The following CTNNA3 variants were observed in gnomAD, a reference collection of about 807,000 sequenced individuals.
The protein encoded by CTNNA3 is catenin alpha 3.
CTNNA3 carries 76 observed loss-of-function variants against 95.7 expected under a neutral mutation model. That is an observed-to-expected ratio of 0.79 (90% CI 0.66 to 0.96). The LOEUF (loss-of-function observed/expected upper bound fraction) is 0.96. CTNNA3 is among the 40% of genes least tolerant of loss of function. The probability of loss-of-function intolerance (pLI) is 0.00; values close to 1 mark genes in which losing one functional copy is unlikely to be tolerated. For missense variants in CTNNA3, 1,191 were observed against 1,089.8 expected, an observed-to-expected ratio of 1.09 and a Z score of -1.31; for synonymous variants, 431 against 374.4, an observed-to-expected ratio of 1.15 and a Z score of -1.74.
At chr10:66,756,529 G>T (rs1336988535) in intron 9 of CTNNA3, among the ~76,000 whole-genome samples, 2 of 152,052 alleles carry the variant, frequency 1.3e-5, no homozygotes, top group African/African-American at 4.8e-5. Context: ...GACTTTCTGG[G>T]TATACACAGC....
At chr10:66,878,783 G>C (rs1181073835) in intron 7 of CTNNA3, among the ~76,000 whole-genome samples, 1 of 152,140 alleles carries the variant, frequency 6.6e-6, no homozygotes, top group African/African-American at 2.4e-5. Flanking sequence ...AGTGGCCCTA[G>C]CATGTGAGTT....
At chr10:66,874,862 T>C (rs576446363) in intron 7 of CTNNA3, among the ~76,000 whole-genome samples, 1 of 152,338 alleles carries the variant, frequency 6.6e-6, no homozygotes, top group African/African-American at 2.4e-5. Context: ...TATGTAAAAC[T>C]CTGTGCTGGA....
chr10:66,770,414 C>G (rs1452519191), intron 8 of CTNNA3, among the ~76,000 whole-genome samples: 1 of 152,040 alleles, frequency 6.6e-6, no homozygotes, highest in Non-Finnish European at 1.5e-5. Flanking sequence ...GAAATGGAAG[C>G]CAAAGCACTA....
chr10:67,514,159 G>GCC (rs1422375388), intron 5 of CTNNA3, among the ~76,000 whole-genome samples: 3 of 152,114 alleles, frequency 2.0e-5, no homozygotes, highest in Non-Finnish European at 4.4e-5. Context: ...AATTAGCTGG[G>GCC]CATGGTGGTG....
At chr10:67,741,533 T>C (rs1266027165) in intron 1 of CTNNA3, among the ~76,000 whole-genome samples, 3 of 150,902 alleles carry the variant, frequency 2.0e-5, no homozygotes, top group Non-Finnish European at 3.0e-5. Context: ...GAACAACTGG[T>C]ACCAGCTACT....
intron 11 of CTNNA3, among the ~76,000 whole-genome samples, chr10:66,384,532 T>A (rs945380234): frequency 6.6e-6 from 1 of 152,102 alleles, no homozygotes; most frequent in Non-Finnish European, 1.5e-5. Flanking sequence ...CACAGATCAA[T>A]GAGACAGAAG....
intron 15 of CTNNA3, among the ~76,000 whole-genome samples, chr10:66,036,325 G>A (rs980163015): frequency 3.3e-5 from 5 of 152,018 alleles, no homozygotes; most frequent in African/African-American, 4.8e-5. Context: ...GTCTCTAGAC[G>A]GCGAAAACCA....
intron 11 of CTNNA3, among the ~76,000 whole-genome samples, chr10:66,520,178 G>A (rs1436138631): frequency 1.3e-5 from 2 of 149,592 alleles, no homozygotes; most frequent in Non-Finnish European, 3.0e-5. Flanking sequence ...GCAACATATT[G>A]CATCCAAAAA....
At chr10:67,706,796 T>A (rs536055083) in intron 1 of CTNNA3, among the ~76,000 whole-genome samples, 4 of 152,300 alleles carry the variant, frequency 2.6e-5, no homozygotes, top group Non-Finnish European at 5.9e-5. Context: ...CACATCCATA[T>A]GCTAATGGTT....
intron 10 of CTNNA3, among the ~76,000 whole-genome samples, chr10:66,580,110 C>G (rs200705285): frequency 7.5e-6 from 1 of 132,852 alleles, no homozygotes. Context: ...GTTCTTTTCT[C>G]TGTCTCCTCT....
At chr10:67,716,899 T>C (rs1354436675) in intron 1 of CTNNA3, among the ~76,000 whole-genome samples, 1 of 152,220 alleles carries the variant, frequency 6.6e-6, no homozygotes, top group Admixed American at 6.5e-5. Flanking sequence ...ATCGCCACAC[T>C]GTCTTCCACA....
rs1315559287 is a variant in CTNNA3 at position 67,727,873 on chromosome 10, A to T, written c.-2+35561T>A. On this transcript the variant is annotated intron_variant, in intron 1 of 17. Transcript: ENST00000684154. The stretch of plus-strand genomic sequence containing the variant: ...TCATATATTATATTATGTATAATAT[A>T]GTATATATCACATATTATATTATGT... Among the ~76,000 whole-genome samples, 3 of 131,666 alleles carry T rather than the reference A, an allele frequency of 2.3e-5. No homozygotes were observed. The South Asian group carries it at 6.6e-4, about 29-fold the overall frequency. The allele number at this position is 131,666 out of a possible 152,430, so 86.4% of individuals were successfully genotyped here.
At chr10:67,111,371 T>C (rs1858900890) in intron 7 of CTNNA3, among the ~76,000 whole-genome samples, 2 of 152,084 alleles carry the variant, frequency 1.3e-5, no homozygotes, top group Admixed American at 1.3e-4. Flanking sequence ...TTTTTATCAA[T>C]AGATTGAATA....
chr10:67,326,379 A>G (rs1209479776), intron 5 of CTNNA3, among the ~76,000 whole-genome samples: 1 of 152,078 alleles, frequency 6.6e-6, no homozygotes, highest in Non-Finnish European at 1.5e-5. Context: ...TTTCCTTTCC[A>G]TATTTAGTGC....
chr10:65,942,833 T>C (rs1161006029), intron 17 of CTNNA3, among the ~76,000 whole-genome samples: 3 of 152,174 alleles, frequency 2.0e-5, no homozygotes, highest in Non-Finnish European at 4.4e-5. Context: ...TAAATCTGGA[T>C]TCCACAACAT....
intron 7 of CTNNA3, among the ~76,000 whole-genome samples, chr10:67,000,250 C>T (rs184261972): frequency 1.3e-5 from 2 of 152,212 alleles, no homozygotes; most frequent in African/African-American, 4.8e-5. Flanking sequence ...AGAAGTAAAA[C>T]CATTTGGAAT....
At chr10:67,210,497 A>C (rs2132238651) in intron 6 of CTNNA3, among the ~76,000 whole-genome samples, 1 of 152,284 alleles carries the variant, frequency 6.6e-6, no homozygotes, top group Admixed American at 6.5e-5. Context: ...TGTGGAATAC[A>C]ACCTGATGCT....
At chr10:67,458,564 C>G (rs1264654835) in intron 5 of CTNNA3, among the ~76,000 whole-genome samples, 2 of 151,872 alleles carry the variant, frequency 1.3e-5, no homozygotes, top group Non-Finnish European at 2.9e-5. Flanking sequence ...CTCAAGGGAA[C>G]AGAGAAAAGG....
chr10:67,342,928 GT>G (rs1292025239), intron 5 of CTNNA3, among the ~76,000 whole-genome samples: 2 of 151,934 alleles, frequency 1.3e-5, no homozygotes, highest in Non-Finnish European at 2.9e-5. Flanking sequence ...GGCTTTGGCT[GT>G]TCTGGCTCTT....
Sources: gnomAD v4.1 joint callset for allele counts (sites outside exome capture counted in the v4.1 genomes callset) on GRCh38, gnomAD v4.1.1 for gene constraint, MANE v1.5 for transcripts, NCBI Gene and HGNC (gene_info 2026-07-23, HGNC 2026-07-21) for gene names.